TCP11: variants seen among roughly 807,000 people sequenced by gnomAD.
The protein encoded by TCP11 is t-complex 11, also known as T-complex protein 11 homolog.
In TCP11, 34 loss-of-function variants were observed where a neutral mutation model predicts 45.0. That is an observed-to-expected ratio of 0.76 (90% CI 0.57 to 1.01). The LOEUF (loss-of-function observed/expected upper bound fraction) is 1.01, where lower values mean the gene tolerates loss of function less well. Ranked by LOEUF, TCP11 falls within the 50% of genes least tolerant of loss-of-function variation. TCP11 has a pLI of 0.00. For synonymous variants in TCP11, 227 were observed against 227.0 expected (o/e 1.00, Z 0.00); for missense variants, 523 against 598.1 (o/e 0.87, Z 1.31).
Position 35,129,154 on chromosome 6 carries a change from G to C in TCP11, c.265C>G (p.His89Asp). ...TTAAGATGGTCCCAAAAGGCATTGT[G>C]CACTGTCTCCTTGACCTTGCCTTCC... ...SLEGKVKETV[H>D]NAFWDHLKEQ... Residue 89 changes from histidine (H) to aspartate (D), a missense_variant, in exon 4 of 10, where the codon CAC becomes GAC. His to Asp is a moderately conservative substitution (Grantham distance 81). This residue lies in a region of TCP11 where 225 missense variants were observed against 210.2 expected (regional missense o/e 1.07). Coordinates refer to ENST00000311875, the MANE Select transcript of TCP11 (RefSeq NM_001370687.1). 3 of 1,614,056 alleles carry C rather than the reference G, an allele frequency of 1.9e-6. No homozygotes were observed. The highest frequency in any genetic ancestry group is 1.7e-6 in the Non-Finnish European group (2 of 1,179,972).
intron 4 of TCP11, among the ~76,000 whole-genome samples, chr6:35,122,899 C>T (rs1348422672): frequency 1.3e-5 from 2 of 152,118 alleles, no homozygotes; most frequent in Non-Finnish European, 2.9e-5. Flanking sequence ...ATAGCAAGAT[C>T]TCAACTGTTT....
chr6:35,138,083 ATAACAAACGCTGGTGAGGAT>A (rs1283571375), intron 2 of TCP11, among the ~76,000 whole-genome samples: 1 of 152,230 alleles, frequency 6.6e-6, no homozygotes, highest in Non-Finnish European at 1.5e-5. Context: ...AACTCAGGCA[ATAACAAACGCTGGTGAGGAT>A]GTGGAGGAAA....
rs376341718 is a variant in TCP11 at position 35,118,479 on chromosome 6, G to A, written c.1302C>T (p.Leu434=). 7 of 1,613,876 alleles carry A rather than the reference G, an allele frequency of 4.3e-6. No individual in the cohort carries two copies. The African/African-American group carries it at 8.0e-5, about 18-fold the overall frequency. The change falls in exon 10 of 10, where the codon CTC becomes CTT. Residue 434 remains leucine (L), a synonymous_variant. Coordinates refer to ENST00000311875, the MANE Select transcript of TCP11 (RefSeq NM_001370687.1). ...SVIDQRIHLF[L]KCCLVLGVQR... ...GCACACCAAGAACCAAACAGCATTT[G>A]AGAAACAAATGGATCCGCTGATCTG...
chr6:35,119,137 T>C, intron 9 of TCP11, 91 bp downstream of exon 9: 1 of 1,502,890 alleles, frequency 6.7e-7, no homozygotes, highest in Non-Finnish European at 9.1e-7. Context: ...ACGTACCTAA[T>C]GACCATGCTT....
Position 35,140,782 on chromosome 6 carries a change from T to TG in TCP11, c.88dup (p.Gln30ProfsTer24), listed in dbSNP as rs751330115. 6.3e-5 allele frequency: 96 copies of TG among 1,531,152 alleles called. No homozygotes were observed. The highest frequency in any genetic ancestry group is 1.1e-4 in the East Asian group (5 of 44,286). 94.8% of individuals were successfully genotyped at this position (1,531,152 alleles called of 1,614,324 possible). A position where few individuals can be genotyped will look rare whatever the true frequency, so the allele number is the denominator to read the frequency against. ...GTCCTCGGAGCCGCTCTTGTCTTCC[T>TG]GGGGGGGTCCTGAGGTTTCGGGCTT... On this transcript the variant is annotated frameshift_variant, in exon 2 of 10. Transcript: ENST00000311875. LOFTEE classifies it high-confidence loss of function.
Position 35,119,252 on chromosome 6 carries a change from CCTT to C in TCP11, c.1252_1254del (p.Lys418del), listed in dbSNP as rs1219909333. 1.2e-6 allele frequency: 2 copies of C among 1,614,222 alleles called. No individual in the cohort carries two copies. The highest frequency in any genetic ancestry group is 1.6e-4 in the Middle Eastern group (1 of 6,062). On this transcript the variant is annotated inframe_deletion, in exon 9 of 10. Transcript: ENST00000311875. ...CCAATAACACTGCAGACACAGTTCT[CCTT>C]CTTGGCAATGTTCTGGAGCTGTCCC...
At position 35,120,506 on chromosome 6, in the gene TCP11, G is replaced by A; in HGVS notation, c.856C>T (p.Leu286Phe). The part of the protein sequence containing the change: ...PNEAANNPEP[L>F]SPTMVLCQGF... ...TGACACAGCACCATTGTGGGGCTGA[G>A]GGGCTCTGGGTTGTTGGCTGCCTCA... Residue 286 changes from leucine (L) to phenylalanine (F), a missense_variant, in exon 7 of 10, where the codon CTC (leucine) becomes TTC (phenylalanine). By Grantham distance (22) the Leu-to-Phe change is conservative. Around this residue, in one of 2 missense-constraint regions of TCP11, gnomAD observed 298 missense variants for 387.9 expected, o/e 0.77. Coordinates refer to ENST00000311875, the MANE Select transcript of TCP11 (RefSeq NM_001370687.1). The surrounding 1 kb of genome is among the most constrained non-coding windows in gnomAD (Gnocchi z 4.9). The A allele has an allele frequency of 6.2e-7, 1 of 1,613,964 alleles. No homozygotes were observed.
intron 2 of TCP11, among the ~76,000 whole-genome samples, chr6:35,138,165 G>C (rs10456429): frequency 0.17 from 25,418 of 151,306 alleles, 2,319 homozygotes; most frequent in Non-Finnish European, 0.2. Context: ...AGCCACTATG[G>C]AGAATAGTTT....
chr6:35,118,450 C>G lies in TCP11; in HGVS notation c.1331G>C (p.Arg444Pro), dbSNP rs548056330. The G allele has an allele frequency of 3.3e-5, 53 of 1,613,928 alleles. No individual in the cohort carries two copies. Among genetic ancestry groups the G allele is most frequent in the Non-Finnish European group, 3.9e-5 (46 of 1,180,010 alleles). Reference sequence around the variant, plus strand: ...GCCTCCAGGAAGGTCTAATAGAGACCGCTGCACACCAAGAACCAAACAGCA... The same window carrying G: ...GCCTCCAGGAAGGTCTAATAGAGACGGCTGCACACCAAGAACCAAACAGCA... ...LKCCLVLGVQ[R>P]SLLDLPGGLT... The change falls in exon 10 of 10, where the codon CGG (arginine) becomes CCG (proline). Residue 444 changes from arginine to proline, a missense_variant. By Grantham distance (103) the Arg-to-Pro change is moderately radical. This residue lies in a region of TCP11 where 298 missense variants were observed against 387.9 expected (regional missense o/e 0.77). Transcript: ENST00000311875.
At chr6:35,122,413 TAA>T (rs1370779354) in intron 4 of TCP11, 76 bp from the exon 5 acceptor site, 12 of 1,325,212 alleles carry the variant, frequency 9.1e-6, no homozygotes, top group Admixed American at 1.9e-5. Context: ...TCCCTTTAGC[TAA>T]AGACATACCA....
chr6:35,140,574 C>T, intron 2 of TCP11, 173 bp downstream of exon 2: 1 of 685,654 alleles, frequency 1.5e-6, no homozygotes, highest in African/African-American at 1.8e-5. Context: ...ACCAAAAACT[C>T]TTTGAAGACC....
At position 35,118,442 on chromosome 6, in the gene TCP11, A is replaced by C. The variant is rs374559672; in HGVS notation, c.1339T>G (p.Leu447Val). 6.2e-7 allele frequency: 1 copy of C among 1,614,196 alleles called. No homozygotes were observed. The highest frequency in any genetic ancestry group is 1.3e-5 in the African/African-American group (1 of 75,040). Residue 447 changes from leucine (L) to valine (V), a missense_variant, in exon 10 of 10, where the codon TTA becomes GTA. By Grantham distance (32) the Leu-to-Val change is conservative (BLOSUM62 1). Coordinates refer to ENST00000311875, the MANE Select transcript of TCP11 (RefSeq NM_001370687.1). ...CLVLGVQRSL[L>V]DLPGGLTLIE... ...AGAGTAAGGCCTCCAGGAAGGTCTA[A>C]TAGAGACCGCTGCACACCAAGAACC...
chr6:35,133,541 T>C (rs939094012), intron 3 of TCP11, among the ~76,000 whole-genome samples: 5 of 151,850 alleles, frequency 3.3e-5, no homozygotes, highest in Admixed American at 2.0e-4. Context: ...CCTGTAATCC[T>C]GGCACTTTGG....
chr6:35,134,580 C>T lies in TCP11; in HGVS notation c.236+1527G>A, dbSNP rs112037072. ...AGGCGTGAGCCACTGCGCCTGGCCC[C>T]ATAAACTTTAAATCATCCCTAGATT... On this transcript the variant is annotated intron_variant, in intron 3 of 9. Transcript: ENST00000311875. Among the ~76,000 whole-genome samples, 1,411 of 152,042 alleles carry T rather than the reference C, an allele frequency of 9.3e-3. 8 individuals are homozygous for T. Among genetic ancestry groups the T allele is most frequent in the African/African-American group, 0.019 (791 of 41,462 alleles).
intron 5 of TCP11, among the ~76,000 whole-genome samples, chr6:35,121,794 TG>T (rs1349518229): frequency 7.1e-6 from 1 of 140,220 alleles, no homozygotes; most frequent in Non-Finnish European, 1.5e-5. Flanking sequence ...GCAACAAGAG[TG>T]AAACTCCATC....
At chr6:35,119,722 T>C (rs185028407) in intron 8 of TCP11, among the ~76,000 whole-genome samples, 1 of 152,208 alleles carries the variant, frequency 6.6e-6, no homozygotes, top group Non-Finnish European at 1.5e-5. Context: ...GACTTTATTT[T>C]TATATATATA....
chr6:35,122,339 T>G lies in TCP11; in HGVS notation c.358-2A>C, dbSNP rs748261066. ...TGGTAATAGCAGTGATAGCAAGATC[T>G]GCCCAGGAAAGAAAGTCAAAGGAGT... is the stretch of plus-strand genomic sequence containing the variant. On this transcript the variant is annotated splice_acceptor_variant, in intron 4 of 9. Transcript: ENST00000311875. LOFTEE classifies it high-confidence loss of function. 1 of 1,613,940 alleles carries G rather than the reference T, an allele frequency of 6.2e-7. No homozygotes were observed. Among genetic ancestry groups the G allele is most frequent in the Non-Finnish European group, 8.5e-7 (1 of 1,179,832 alleles).
chr6:35,139,715 T>C (rs1781505620), intron 2 of TCP11, among the ~76,000 whole-genome samples: 1 of 152,180 alleles, frequency 6.6e-6, no homozygotes, highest in South Asian at 2.1e-4. Flanking sequence ...AGACTTCTGT[T>C]GCTCAAAAGT....
intron 4 of TCP11, chr6:35,128,850 C>T (rs1367456031): frequency 1.8e-6 from 1 of 567,758 alleles, no homozygotes; most frequent in Admixed American, 3.6e-5. Flanking sequence ...GTTTTCCTTA[C>T]TCTTACTAGC....
Sources: gnomAD v4.1 joint callset for allele counts (sites outside exome capture counted in the v4.1 genomes callset) on GRCh38, gnomAD v4.1.1 for gene constraint, gnomAD v4.1.1 regional missense constraint, Gnocchi (gnomAD v3.1) non-coding constraint, MANE v1.5 for transcripts, NCBI Gene and HGNC (gene_info 2026-07-23, HGNC 2026-07-21) for gene names.